Variants in CADM4 observed in about 807,000 individuals in gnomAD.
CADM4 encodes the protein TSLC1-like 2.
A neutral mutation model predicts 43.9 loss-of-function variants in CADM4; 13 were observed. That is an observed-to-expected ratio of 0.30 (90% CI 0.19 to 0.47). The LOEUF is 0.47. CADM4 is among the 20% of genes least tolerant of loss of function. The pLI, the probability that CADM4 is intolerant of heterozygous loss-of-function variation, is 1.00. For synonymous variants in CADM4, 209 were observed against 220.9 expected, an observed-to-expected ratio of 0.95 and a Z score of 0.48; for missense variants, 420 against 527.0, an observed-to-expected ratio of 0.80 and a Z score of 1.99.
At chr19:43,628,269 CAAAAAAA>C (rs1196984834) in intron 1 of CADM4, among the ~76,000 whole-genome samples, 1 of 127,564 alleles carries the variant, frequency 7.8e-6, no homozygotes, top group Non-Finnish European at 1.7e-5. Flanking sequence ...ACTAAAAATA[CAAAAAAA>C]AAAAAAAAAT....
intron 1 of CADM4, among the ~76,000 whole-genome samples, chr19:43,633,871 T>C (rs1005086737): frequency 1.3e-5 from 2 of 151,782 alleles, no homozygotes; most frequent in Admixed American, 6.6e-5. Flanking sequence ...AATTTTTTTT[T>C]TTTTTTAGAG....
intron 1 of CADM4, among the ~76,000 whole-genome samples, chr19:43,635,219 C>T (rs1973684332): frequency 6.6e-6 from 1 of 152,030 alleles, no homozygotes; most frequent in Non-Finnish European, 1.5e-5. Flanking sequence ...AGGTCACCAC[C>T]ACCCCCTCTG....
intron 7 of CADM4, 122 bp from the exon 8 acceptor site, chr19:43,624,364 C>G: frequency 8.0e-7 from 1 of 1,250,116 alleles, no homozygotes; most frequent in Non-Finnish European, 1.1e-6. Context: ...GTGCCACACC[C>G]CTCAAAAATT....
Position 43,627,610 on chromosome 19 carries a change from T to A in CADM4, c.211+34A>T. On this transcript the variant is annotated intron_variant, in intron 2 of 8. Transcript: ENST00000222374. This position sits in a 1 kb window ranked among gnomAD's most constrained non-coding sequence, Gnocchi z 4.0. ...AGCCTGGGCCCCAGCCCTCTCTTCCTTTAAGACTCCTGAGTCTGGTCCCCA... is the reference window on the plus strand; with the variant it reads ...AGCCTGGGCCCCAGCCCTCTCTTCCATTAAGACTCCTGAGTCTGGTCCCCA... 1 of 1,595,662 alleles carries A rather than the reference T, an allele frequency of 6.3e-7. No individual in the cohort carries two copies. The highest frequency in any genetic ancestry group is 8.6e-7 in the Non-Finnish European group (1 of 1,165,340).
chr19:43,629,816 C>T (rs1973589847), intron 1 of CADM4, among the ~76,000 whole-genome samples: 1 of 152,026 alleles, frequency 6.6e-6, no homozygotes, highest in East Asian at 1.9e-4. Context: ...AGAGTTTAGC[C>T]ATATTGGCCT....
At chr19:43,638,474 C>G (rs190870105) in intron 1 of CADM4, among the ~76,000 whole-genome samples, 1 of 152,378 alleles carries the variant, frequency 6.6e-6, no homozygotes, top group East Asian at 1.9e-4. Context: ...CTGCTTCTGC[C>G]TAGCCACCTT....
upstream of CADM4, among the ~76,000 whole-genome samples, chr19:43,640,061 T>G (rs1600104582): frequency 1.8e-5 from 2 of 110,328 alleles, no homozygotes; most frequent in Admixed American, 8.7e-5. Context: ...GACAGCGGCG[T>G]GGGAGCAGGT....
At chr19:43,640,984 G>T (rs1267198514), upstream of CADM4, among the ~76,000 whole-genome samples, 1 of 40,046 alleles carries the variant, frequency 2.5e-5, no homozygotes, top group Non-Finnish European at 5.1e-5. Flanking sequence ...CCCCCTCCCC[G>T]CCCAGACGGA....
intron 1 of CADM4, among the ~76,000 whole-genome samples, chr19:43,639,469 G>C (rs986629569): frequency 1.3e-5 from 2 of 150,876 alleles, no homozygotes; most frequent in African/African-American, 4.9e-5. Context: ...GTGTGTGTAG[G>C]GGGGTCTCGG....
In CADM4 at chr19:43,628,430, G is replaced by A. The variant is rs557145160; in HGVS notation, c.65-640C>T. On this transcript the variant is annotated intron_variant, in intron 1 of 8. Transcript: ENST00000222374. ...AGGCTGGGCGACAGAGCGAGACTCT[G>A]TCTCAAAAAAAAAAAGAAAGAAAAA... 2.1e-5 allele frequency among the ~76,000 whole-genome samples: 3 copies of A among 145,638 alleles called. No homozygotes were observed. The East Asian group carries it at 6.2e-4, about 30-fold the overall frequency.
chr19:43,624,407 T>A (rs1322250882), intron 7 of CADM4, among the ~76,000 whole-genome samples, 165 bp from the exon 8 acceptor site: 4 of 152,342 alleles, frequency 2.6e-5, no homozygotes, highest in Non-Finnish European at 5.9e-5. Context: ...TCTTTCCAGA[T>A]GCTTGTTGGT....
Position 43,627,210 on chromosome 19 carries a change from T to G in CADM4, c.320A>C (p.Tyr107Ser). 1 of 1,612,270 alleles carries G rather than the reference T, an allele frequency of 6.2e-7. No individual in the cohort carries two copies. The highest frequency in any genetic ancestry group is 8.5e-7 in the Non-Finnish European group (1 of 1,178,958). ...EDEGGYFCQLYTEDTHHQIAT... is the reference protein window; with the variant it reads ...EDEGGYFCQLSTEDTHHQIAT... ...AATCTGGTGGTGGGTGTCTTCTGTG[T>G]AGAGCTGGCAGAAATAGCCCCCCTC... The change falls in exon 3 of 9, where the codon TAC becomes TCC. Residue 107 changes from tyrosine (Y) to serine (S), a missense_variant. By Grantham distance (144) the Tyr-to-Ser change is moderately radical. Coordinates refer to ENST00000222374, the MANE Select transcript of CADM4 (RefSeq NM_145296.2). The surrounding 1 kb of genome is among the most constrained non-coding windows in gnomAD (Gnocchi z 4.0).
intron 1 of CADM4, among the ~76,000 whole-genome samples, chr19:43,635,594 C>T (rs1265711270): frequency 6.6e-6 from 1 of 151,660 alleles, no homozygotes; most frequent in Non-Finnish European, 1.5e-5. Context: ...TTCCAGCCCT[C>T]GGCCCTCTCC....
At chr19:43,638,811 C>G (rs1016600471) in intron 1 of CADM4, among the ~76,000 whole-genome samples, 1 of 152,252 alleles carries the variant, frequency 6.6e-6, no homozygotes, top group Non-Finnish European at 1.5e-5. Context: ...TCCCCACACA[C>G]ATGCACACAG....
chr19:43,633,989 G>C (rs1973666323), intron 1 of CADM4, among the ~76,000 whole-genome samples: 1 of 151,956 alleles, frequency 6.6e-6, no homozygotes, highest in Non-Finnish European at 1.5e-5. Flanking sequence ...AGCCATTGCA[G>C]CTGGCCCAGA....
upstream of CADM4, among the ~76,000 whole-genome samples, chr19:43,640,967 C>T (rs1317766067): frequency 6.8e-6 from 1 of 146,316 alleles, no homozygotes; most frequent in Non-Finnish European, 1.5e-5. Flanking sequence ...TCTTTCCTTC[C>T]CCCCTCCCCC....
intron 1 of CADM4, among the ~76,000 whole-genome samples, chr19:43,637,599 G>A (rs1483678641): frequency 6.6e-6 from 1 of 152,158 alleles, no homozygotes; most frequent in African/African-American, 2.4e-5. Flanking sequence ...TTACAGAGAG[G>A]GTTAGGGTGC....
rs1221066738 is a variant in CADM4, at chr19:43,639,709, C to T, written c.64+18G>A. The T allele has an allele frequency of 4.0e-6, 4 of 989,918 alleles. No homozygotes were observed. In the East Asian group the frequency reaches 3.3e-4, roughly 82 times the overall value. 61.3% of individuals were successfully genotyped at this position (989,918 alleles called of 1,614,324 possible). ...CCCCGCCCCAGCCCGGCCGGCCGACCCCGGCCCCCGACCCTACCTGGCCCC... is the reference window on the plus strand; with the variant it reads ...CCCCGCCCCAGCCCGGCCGGCCGACTCCGGCCCCCGACCCTACCTGGCCCC... On this transcript the variant is annotated intron_variant, in intron 1 of 8. Transcript: ENST00000222374.
Position 43,626,077 on chromosome 19 carries a change from G to A in CADM4, c.664+47C>T. On this transcript the variant is annotated intron_variant, in intron 5 of 8. Transcript: ENST00000222374. The surrounding 1 kb of genome is among the most constrained non-coding windows in gnomAD (Gnocchi z 5.9). ...ACAAGGGGGACCCTCGCGGGTGCGG[G>A]TGGCTGGCGTTGGGATCCCTTGGGT... 1.9e-6 allele frequency: 3 copies of A among 1,612,068 alleles called. No homozygotes were observed. Among genetic ancestry groups the A allele is most frequent in the South Asian group, 1.1e-5 (1 of 90,908 alleles).
Sources: gnomAD v4.1 joint callset for allele counts (sites outside exome capture counted in the v4.1 genomes callset) on GRCh38, gnomAD v4.1.1 for gene constraint, Gnocchi (gnomAD v3.1) non-coding constraint, MANE v1.5 for transcripts, NCBI Gene and HGNC (gene_info 2026-07-23, HGNC 2026-07-21) for gene names.